ENTREP2: variants seen among roughly 807,000 people sequenced by gnomAD.
ENTREP2 encodes the protein protein ENTREP2.
chr15:29,128,609 G>A, the ENTREP2 span, among the ~76,000 whole-genome samples: 1 of 152,080 alleles, frequency 6.6e-6, no homozygotes, highest in Non-Finnish European at 1.5e-5. Flanking sequence ...AAGAAATGTG[G>A]GGATATACAG....
the ENTREP2 span, among the ~76,000 whole-genome samples, chr15:29,632,297 C>G: frequency 2.0e-5 from 3 of 152,130 alleles, no homozygotes; most frequent in African/African-American, 7.2e-5. Context: ...TTTAGTTTTA[C>G]TTAACAAAAA....
At chr15:29,426,120 C>G in the ENTREP2 span, among the ~76,000 whole-genome samples, 3 of 150,896 alleles carry the variant, frequency 2.0e-5, no homozygotes, top group East Asian at 1.9e-4. Flanking sequence ...AATAATTTTC[C>G]TCATTTGGCT....
the ENTREP2 span, among the ~76,000 whole-genome samples, chr15:29,628,881 C>G: frequency 7.9e-5 from 12 of 152,168 alleles, no homozygotes; most frequent in Non-Finnish European, 4.4e-5. Flanking sequence ...TCCCAAGTAG[C>G]TGGGATTACA....
the ENTREP2 span, among the ~76,000 whole-genome samples, chr15:29,597,136 C>T: frequency 6.6e-6 from 1 of 151,922 alleles, no homozygotes; most frequent in Non-Finnish European, 1.5e-5. Context: ...ATCCCCCCAA[C>T]TTCTAACCTC....
At chr15:29,221,225 G>A in the ENTREP2 span, among the ~76,000 whole-genome samples, 12 of 149,386 alleles carry the variant, frequency 8.0e-5, no homozygotes, top group South Asian at 1.7e-3. Context: ...TTTTTGAGAC[G>A]GAGTCTAGCT....
the ENTREP2 span, among the ~76,000 whole-genome samples, chr15:29,540,448 C>G: frequency 1.3e-5 from 2 of 152,166 alleles, no homozygotes; most frequent in African/African-American, 4.8e-5. Flanking sequence ...AAACAACACA[C>G]AAACCTGACA....
At chr15:29,445,411 C>T in the ENTREP2 span, among the ~76,000 whole-genome samples, 1 of 152,086 alleles carries the variant, frequency 6.6e-6, no homozygotes, top group Non-Finnish European at 1.5e-5. Flanking sequence ...ACAATCCCAC[C>T]ACCACCCCTC....
chr15:29,214,954 T>C, the ENTREP2 span, among the ~76,000 whole-genome samples: 2 of 152,250 alleles, frequency 1.3e-5, no homozygotes, highest in African/African-American at 4.8e-5. Context: ...GTTAAGTCCA[T>C]TTGTTCCAAG....
chr15:29,513,236 A>T, the ENTREP2 span, among the ~76,000 whole-genome samples: 11 of 152,270 alleles, frequency 7.2e-5, no homozygotes, highest in Non-Finnish European at 1.0e-4. Flanking sequence ...TGAACTACCC[A>T]GCAGTAAAGG....
At chr15:29,149,198 C>G in the ENTREP2 span, among the ~76,000 whole-genome samples, 1 of 152,262 alleles carries the variant, frequency 6.6e-6, no homozygotes, top group East Asian at 1.9e-4. Flanking sequence ...GCATTTATCG[C>G]AACCGCCATA....
At chr15:29,293,286 C>G in the ENTREP2 span, among the ~76,000 whole-genome samples, 275 of 152,164 alleles carry the variant, frequency 1.8e-3, 1 homozygote, top group African/African-American at 6.2e-3. Flanking sequence ...GAGTCTCGCT[C>G]TGTCCCCAGG....
At chr15:29,412,613 A>G in the ENTREP2 span, among the ~76,000 whole-genome samples, 2 of 152,214 alleles carry the variant, frequency 1.3e-5, no homozygotes, top group South Asian at 4.1e-4. Flanking sequence ...GAGTTATCAA[A>G]TGTGTAGTCT....
At chr15:29,669,983 C>T in the ENTREP2 span, among the ~76,000 whole-genome samples, 853 of 152,278 alleles carry the variant, frequency 5.6e-3, 9 homozygotes, top group African/African-American at 0.02. Flanking sequence ...CCTGCAATCC[C>T]CATGCGTTTT....
chr15:29,391,819 GT>G, the ENTREP2 span, among the ~76,000 whole-genome samples: 4 of 152,086 alleles, frequency 2.6e-5, no homozygotes, highest in Non-Finnish European at 5.9e-5. Context: ...TTTTGGTTTT[GT>G]TTTTTGTTGC....
the ENTREP2 span, among the ~76,000 whole-genome samples, chr15:29,451,486 G>A: frequency 2.0e-5 from 3 of 152,152 alleles, no homozygotes; most frequent in East Asian, 3.9e-4. Context: ...GGGGGCGCGA[G>A]GGGCTGAGAG....
At chr15:29,612,173 G>C in the ENTREP2 span, among the ~76,000 whole-genome samples, 2 of 152,074 alleles carry the variant, frequency 1.3e-5, no homozygotes, top group South Asian at 4.1e-4. Context: ...ATTTTTTGCT[G>C]TCTTCCTCAC....
the ENTREP2 span, among the ~76,000 whole-genome samples, chr15:29,607,798 G>GGATAGATAGATT: frequency 6.7e-6 from 1 of 149,832 alleles, no homozygotes; most frequent in East Asian, 2.0e-4. Context: ...TAGAATAGAG[G>GGATAGATAGATT]GATAGATAGA....
the ENTREP2 span, among the ~76,000 whole-genome samples, chr15:29,472,931 G>A: frequency 0.085 from 12,992 of 152,150 alleles, 635 homozygotes; most frequent in African/African-American, 0.13. Context: ...GTAACTATCT[G>A]CTGAAGGATG....
At chr15:29,304,430 A>T in the ENTREP2 span, among the ~76,000 whole-genome samples, 2 of 152,194 alleles carry the variant, frequency 1.3e-5, no homozygotes, top group Non-Finnish European at 2.9e-5. Context: ...AACTGAAATC[A>T]TAGCCACCAC....
Sources: gnomAD v4.1 joint callset for allele counts (sites outside exome capture counted in the v4.1 genomes callset) on GRCh38, gnomAD v4.1.1 for gene constraint, MANE v1.5 for transcripts, NCBI Gene and HGNC (gene_info 2026-07-23, HGNC 2026-07-21) for gene names.